Variants in HMOX2 observed in about 807,000 individuals in gnomAD.
HMOX2 encodes heme oxygenase (decycling) 2.
Under a neutral mutation model 33.7 loss-of-function variants are expected in HMOX2, and 30 were observed. The observed-to-expected ratio is 0.89, with a 90% CI of 0.67 to 1.21. The LOEUF is 1.21. Among genes scored for constraint, HMOX2 ranks in the 50% most tolerant of loss-of-function variants. HMOX2 has a pLI of 0.00. For missense variants in HMOX2, 403 were observed against 399.1 expected, an observed-to-expected ratio of 1.01 and a Z score of -0.08; for synonymous variants, 155 against 155.0, an observed-to-expected ratio of 1.00 and a Z score of 0.00.
Position 4,509,463 on chromosome 16 carries a change from G to C in HMOX2, c.748G>C (p.Glu250Gln). The part of the protein sequence containing the change: ...AGSTLARETL[E>Q]DGFPVHDGKG... ...CTCCACACTGGCCAGAGAGACCTTG[G>C]AGGATGGGTTCCCTGTACACGATGG... is the stretch of plus-strand genomic sequence containing the variant. The change falls in exon 5 of 6, where the codon GAG becomes CAG. Residue 250 changes from glutamate to glutamine, a missense_variant. Transcript: ENST00000570646. The C allele has an allele frequency of 6.2e-7, 1 of 1,614,184 alleles. No homozygotes were observed. Among genetic ancestry groups the C allele is most frequent in the Middle Eastern group, 1.6e-4 (1 of 6,062 alleles).
intron 1 of HMOX2, among the ~76,000 whole-genome samples, chr16:4,492,017 T>C (rs1272552045): frequency 6.6e-6 from 1 of 152,068 alleles, no homozygotes; most frequent in Non-Finnish European, 1.5e-5. Context: ...GAAATATCAC[T>C]GTCTCCATGA....
intron 1 of HMOX2, among the ~76,000 whole-genome samples, chr16:4,491,523 A>T (rs1485448331): frequency 1.3e-5 from 2 of 152,042 alleles, no homozygotes; most frequent in East Asian, 3.9e-4. Context: ...ATGGTGTTGC[A>T]TGCCTGTAGT....
chr16:4,507,838 C>T lies in HMOX2; in HGVS notation c.330C>T (p.Thr110=). 1.2e-6 allele frequency: 2 copies of T among 1,614,204 alleles called. No homozygotes were observed. The highest frequency in any genetic ancestry group is 1.1e-5 in the South Asian group (1 of 91,084). The change falls in exon 4 of 6, where the codon ACC becomes ACT. Residue 110 remains threonine, a synonymous_variant. Coordinates refer to ENST00000570646, the MANE Select transcript of HMOX2 (RefSeq NM_002134.4). ...AGCTGCACCGGAAGGAGGCGCTGAC[C>T]AAGGACATGGAGTATTTCTTTGGTG... is the stretch of plus-strand genomic sequence containing the variant. ...PMELHRKEAL[T]KDMEYFFGEN...
chr16:4,476,581 G>C (rs2057846017), intron 1 of HMOX2, 94 bp downstream of exon 1: 1 of 152,292 alleles, frequency 6.6e-6, no homozygotes, highest in Non-Finnish European at 1.5e-5. Context: ...CCAGGCCTTC[G>C]GACCTGGGCT....
intron 2 of HMOX2, 56 bp downstream of exon 2, chr16:4,505,666 C>T (rs957519167): frequency 1.2e-5 from 15 of 1,249,608 alleles, no homozygotes; most frequent in African/African-American, 6.0e-5. Flanking sequence ...CTGTCGTGCT[C>T]AGCACACCTG....
At chr16:4,486,206 A>C (rs1468357007) in intron 1 of HMOX2, among the ~76,000 whole-genome samples, 2 of 152,260 alleles carry the variant, frequency 1.3e-5, no homozygotes, top group East Asian at 3.8e-4. Context: ...TGTTCAAAAA[A>C]GGAAGTATTT....
At chr16:4,485,865 A>G (rs934631934) in intron 1 of HMOX2, among the ~76,000 whole-genome samples, 2 of 152,044 alleles carry the variant, frequency 1.3e-5, no homozygotes, top group African/African-American at 4.8e-5. Flanking sequence ...GCTGGGATTA[A>G]GGCACCTGCC....
chr16:4,498,061 CT>C (rs35332500), intron 1 of HMOX2, among the ~76,000 whole-genome samples: 1,682 of 104,376 alleles, frequency 0.016, 14 homozygotes, highest in African/African-American at 0.057. Flanking sequence ...GATTCATTGT[CT>C]TTTTTTTTTT....
intron 1 of HMOX2, among the ~76,000 whole-genome samples, chr16:4,486,969 A>T (rs1241590865): frequency 6.6e-6 from 1 of 152,164 alleles, no homozygotes; most frequent in Non-Finnish European, 1.5e-5. Flanking sequence ...TGTTTGAAAA[A>T]GGGCTTGAGG....
At chr16:4,478,498 C>G (rs2057929799) in intron 1 of HMOX2, among the ~76,000 whole-genome samples, 1 of 152,064 alleles carries the variant, frequency 6.6e-6, no homozygotes, top group Admixed American at 6.6e-5. Context: ...TGCTTGTGAT[C>G]CCAGCACTTT....
intron 4 of HMOX2, 94 bp downstream of exon 4, chr16:4,508,298 T>C: frequency 7.2e-7 from 1 of 1,380,648 alleles, no homozygotes; most frequent in East Asian, 2.3e-5. Context: ...CACATGGCAT[T>C]AGGACAGATG....
At chr16:4,486,105 C>G (rs184084772) in intron 1 of HMOX2, among the ~76,000 whole-genome samples, 1 of 152,046 alleles carries the variant, frequency 6.6e-6, no homozygotes, top group African/African-American at 2.4e-5. Context: ...GATTTGCAAC[C>G]AAAAAAGGAT....
chr16:4,503,789 A>G (rs1356481788), intron 1 of HMOX2, among the ~76,000 whole-genome samples: 1 of 152,240 alleles, frequency 6.6e-6, no homozygotes, highest in Non-Finnish European at 1.5e-5. Context: ...CTCAGGAAGG[A>G]TATGTGCCTT....
intron 1 of HMOX2, among the ~76,000 whole-genome samples, chr16:4,494,017 C>G (rs554301240): frequency 6.6e-6 from 1 of 152,142 alleles, no homozygotes; most frequent in South Asian, 2.1e-4. Flanking sequence ...GGTGAGGAAA[C>G]TAGAAAACAT....
intron 1 of HMOX2, among the ~76,000 whole-genome samples, chr16:4,482,741 C>A (rs936137589): frequency 5.3e-5 from 8 of 152,096 alleles, no homozygotes; most frequent in Non-Finnish European, 1.2e-4. Context: ...AAGAAGGATA[C>A]AGATGGCTGG....
At chr16:4,501,770 T>A (rs950834745) in intron 1 of HMOX2, among the ~76,000 whole-genome samples, 1 of 152,168 alleles carries the variant, frequency 6.6e-6, no homozygotes, top group African/African-American at 2.4e-5. Context: ...AAAAAAATTA[T>A]GTTTCTGCAG....
At chr16:4,500,384 A>G (rs1345172763) in intron 1 of HMOX2, among the ~76,000 whole-genome samples, 1 of 152,010 alleles carries the variant, frequency 6.6e-6, no homozygotes, top group African/African-American at 2.4e-5. Context: ...TGGGGTAACA[A>G]CCCGAGTTCA....
intron 1 of HMOX2, among the ~76,000 whole-genome samples, chr16:4,492,232 G>T (rs2058322463): frequency 6.6e-6 from 1 of 151,952 alleles, no homozygotes; most frequent in South Asian, 2.1e-4. Context: ...TACTTGGAAG[G>T]ATGAATTGGG....
chr16:4,500,567 C>T (rs1388522976), intron 1 of HMOX2, among the ~76,000 whole-genome samples: 1 of 152,130 alleles, frequency 6.6e-6, no homozygotes, highest in Admixed American at 6.5e-5. Context: ...GTTCAGGTTT[C>T]TCCAGGGCAA....
Sources: allele counts gnomAD v4.1 joint callset (sites outside exome capture counted in the v4.1 genomes callset), GRCh38; gene constraint gnomAD v4.1.1; transcripts MANE v1.5; gene names NCBI Gene and HGNC (gene_info 2026-07-23, HGNC 2026-07-21).